The following TRAF3 variants were observed in gnomAD, a reference collection of about 807,000 sequenced individuals.
TRAF3 encodes the protein TNF receptor associated factor 3, also known as TNF receptor-associated factor 3.
TRAF3 carries 13 observed loss-of-function variants against 62.3 expected under a neutral mutation model. The observed-to-expected ratio is 0.21, with a 90% confidence interval of 0.14 to 0.33. The LOEUF is 0.33. Among genes scored for constraint, TRAF3 ranks in the 10% least tolerant of loss-of-function variants. TRAF3 has a pLI of 1.00. For synonymous variants in TRAF3, 269 were observed against 283.4 expected, an observed-to-expected ratio of 0.95 and a Z score of 0.51; for missense variants, 440 against 741.8, an observed-to-expected ratio of 0.59 and a Z score of 4.73.
At position 102,871,177 on chromosome 14, in the gene TRAF3, G is replaced by A. The variant is rs572670299; in HGVS notation, c.245+731G>A. On this transcript the variant is annotated intron_variant, in intron 3 of 11. Coordinates refer to ENST00000392745, the MANE Select transcript of TRAF3 (RefSeq NM_145725.3). ...CTCCCACAGCACTCAAGCCTGGGCT[G>A]CACCCGAGCCCCAGCCTGGGCACAG... Among the ~76,000 whole-genome samples the A allele has an allele frequency of 3.3e-5, 5 of 152,338 alleles. No individual in the cohort carries two copies. In the South Asian group the frequency reaches 1.0e-3, roughly 32 times the overall value.
chr14:102,875,076 G>A (rs1888568207), intron 4 of TRAF3, among the ~76,000 whole-genome samples: 1 of 152,216 alleles, frequency 6.6e-6, no homozygotes, highest in African/African-American at 2.4e-5. Flanking sequence ...TGAAAAATGA[G>A]TTTTAACAGC....
At chr14:102,808,203 G>T (rs1182435012) in intron 1 of TRAF3, among the ~76,000 whole-genome samples, 1 of 152,118 alleles carries the variant, frequency 6.6e-6, no homozygotes, top group Non-Finnish European at 1.5e-5. Context: ...TTTCGCAATG[G>T]AGATGGATGT....
intron 2 of TRAF3, among the ~76,000 whole-genome samples, chr14:102,834,141 A>AC (rs1428114792): frequency 2.0e-5 from 3 of 152,196 alleles, no homozygotes; most frequent in Admixed American, 6.5e-5. Flanking sequence ...GCCCAAATAG[A>AC]CAAGGCAGTC....
intron 1 of TRAF3, among the ~76,000 whole-genome samples, chr14:102,811,550 G>GTT (rs35064640): frequency 0.077 from 6,061 of 79,116 alleles, 82 homozygotes; most frequent in Middle Eastern, 0.12. Flanking sequence ...GCTGTAGGCG[G>GTT]TTTTTTTTTT....
chr14:102,848,624 C>G (rs1886857159), intron 2 of TRAF3, among the ~76,000 whole-genome samples: 1 of 152,202 alleles, frequency 6.6e-6, no homozygotes, highest in African/African-American at 2.4e-5. Flanking sequence ...CCAATAGTCT[C>G]TGGTATTTTT....
At chr14:102,892,577 A>G (rs976854846) in intron 9 of TRAF3, among the ~76,000 whole-genome samples, 3 of 152,220 alleles carry the variant, frequency 2.0e-5, no homozygotes, top group Admixed American at 6.5e-5. Flanking sequence ...ACTTAATTCA[A>G]TATTCAACAA....
intron 2 of TRAF3, among the ~76,000 whole-genome samples, chr14:102,833,120 C>CT (rs1474013981): frequency 1.3e-5 from 2 of 152,196 alleles, no homozygotes; most frequent in African/African-American, 4.8e-5. Flanking sequence ...CACACACACT[C>CT]TTATTGCTGG....
intron 2 of TRAF3, among the ~76,000 whole-genome samples, chr14:102,838,834 G>C (rs906100014): frequency 3.9e-5 from 6 of 152,118 alleles, no homozygotes; most frequent in African/African-American, 1.4e-4. Context: ...ACGTCTGATT[G>C]TTACATTGAA....
In TRAF3 at chr14:102,815,574, G is replaced by A. The variant is rs1009841166; in HGVS notation, c.-156-14760G>A. On this transcript the variant is annotated intron_variant, in intron 1 of 11. Transcript: ENST00000392745. ...GAGTCAATTTTTGTGGTGTGAGATA[G>A]GGGTCCAGTTTCATTCTTTTACATG... 1.1e-4 allele frequency among the ~76,000 whole-genome samples: 16 copies of A among 152,116 alleles called. No homozygotes were observed. The South Asian group carries it at 1.4e-3, about 14-fold the overall frequency.
intron 10 of TRAF3, among the ~76,000 whole-genome samples, chr14:102,901,282 G>A (rs1595412314): frequency 6.6e-6 from 1 of 152,196 alleles, no homozygotes; most frequent in African/African-American, 2.4e-5. Flanking sequence ...AACCTCGGGG[G>A]CCTGAGGCTC....
At chr14:102,876,745 A>G in intron 6 of TRAF3, 1 of 578,630 alleles carries the variant, frequency 1.7e-6, no homozygotes, top group South Asian at 1.9e-5. Flanking sequence ...CTCAACTCAT[A>G]GATAATCCGT....
At chr14:102,789,675 G>A (rs977389240) in intron 1 of TRAF3, among the ~76,000 whole-genome samples, 2 of 151,952 alleles carry the variant, frequency 1.3e-5, no homozygotes, top group Non-Finnish European at 2.9e-5. Flanking sequence ...TCTAGTTAAA[G>A]TGGTATCTCG....
intron 2 of TRAF3, among the ~76,000 whole-genome samples, chr14:102,853,852 A>G (rs1887201212): frequency 6.6e-6 from 1 of 151,640 alleles, no homozygotes; most frequent in Admixed American, 6.6e-5. Flanking sequence ...AAAAAAAAAA[A>G]AGAATGTTAT....
At chr14:102,837,662 G>T (rs919417694) in intron 2 of TRAF3, among the ~76,000 whole-genome samples, 1 of 152,046 alleles carries the variant, frequency 6.6e-6, no homozygotes, top group Admixed American at 6.6e-5. Context: ...AAGATACTTG[G>T]TTTTAAAATG....
At chr14:102,844,488 A>C (rs1886574468) in intron 2 of TRAF3, among the ~76,000 whole-genome samples, 1 of 152,194 alleles carries the variant, frequency 6.6e-6, no homozygotes, top group African/African-American at 2.4e-5. Flanking sequence ...GAGATGAGCC[A>C]ACTCTGGGCA....
chr14:102,822,883 G>A (rs1900066626), intron 1 of TRAF3, among the ~76,000 whole-genome samples: 1 of 152,076 alleles, frequency 6.6e-6, no homozygotes, highest in African/African-American at 2.4e-5. Context: ...GCACATGCCT[G>A]TAATTCCAGC....
intron 2 of TRAF3, among the ~76,000 whole-genome samples, chr14:102,857,342 C>T (rs1237032761): frequency 1.3e-5 from 2 of 152,204 alleles, no homozygotes; most frequent in East Asian, 3.8e-4. Context: ...TTTATTTTCT[C>T]TCTCCGGTCT....
chr14:102,818,100 C>T (rs1030573176), intron 1 of TRAF3, among the ~76,000 whole-genome samples: 1 of 152,190 alleles, frequency 6.6e-6, no homozygotes, highest in Non-Finnish European at 1.5e-5. Context: ...TACTAGGCTT[C>T]TGAAGCAACA....
chr14:102,896,958 A>ACAT (rs1469717392), intron 9 of TRAF3, among the ~76,000 whole-genome samples: 4 of 152,206 alleles, frequency 2.6e-5, no homozygotes. Flanking sequence ...CTGTAGGCCT[A>ACAT]GCTTACTCAA....
Sources: allele counts gnomAD v4.1 joint callset (sites outside exome capture counted in the v4.1 genomes callset), GRCh38; gene constraint gnomAD v4.1.1; transcripts MANE v1.5; gene names NCBI Gene and HGNC (gene_info 2026-07-23, HGNC 2026-07-21).